The following ETV1 variants were observed in gnomAD, a reference collection of about 807,000 sequenced individuals.
ETV1 encodes the protein ETS variant transcription factor 1, also known as ETS translocation variant 1.
A neutral mutation model predicts 62.3 loss-of-function variants in ETV1; 27 were observed. The ratio of observed to expected loss-of-function variants is 0.43; its 90% CI spans 0.32 to 0.60. The LOEUF is 0.60. Among genes scored for constraint, ETV1 ranks in the 20% least tolerant of loss-of-function variants. The pLI is 0.06. For synonymous variants in ETV1, 222 were observed against 199.6 expected (o/e 1.11, Z -0.94); for missense variants, 605 against 605.8 (o/e 1.00, Z 0.01).
chr7:13,991,188 G>C (rs1255320693), upstream of ETV1: 1 of 152,198 alleles, frequency 6.6e-6, no homozygotes, highest in Admixed American at 6.5e-5. Flanking sequence ...GAAGCGCCTG[G>C]GCCCCGAGGC....
In ETV1 at chr7:13,933,847, T is replaced by C. The variant is rs73679022; in HGVS notation, c.554+1861A>G. The stretch of plus-strand genomic sequence containing the variant: ...GGCCGGCTGTTCTCAGTCTCAAATA[T>C]CTGACTTCAAGTAGAGAAACTAAAA... On this transcript the variant is annotated intron_variant, in intron 8 of 13. Transcript: ENST00000430479. Among the ~76,000 whole-genome samples the C allele has an allele frequency of 3.9e-3, 597 of 152,290 alleles. 3 individuals are homozygous for C. Among genetic ancestry groups the C allele is most frequent in the African/African-American group, 0.013 (544 of 41,558 alleles).
chr7:13,930,540 C>T (rs921544783), intron 9 of ETV1, among the ~76,000 whole-genome samples: 1 of 151,782 alleles, frequency 6.6e-6, no homozygotes, highest in Admixed American at 6.6e-5. Flanking sequence ...CCAGGATGGT[C>T]TCAATCTCCT....
chr7:13,945,697 G>A (rs1788075231), intron 6 of ETV1, among the ~76,000 whole-genome samples: 2 of 152,222 alleles, frequency 1.3e-5, no homozygotes, highest in Admixed American at 1.3e-4. Flanking sequence ...ACTCCCATTA[G>A]AGAGGGCTGA....
At chr7:13,906,266 T>C (rs1782946735) in intron 12 of ETV1, 164 bp downstream of exon 12, 2 of 495,962 alleles carry the variant, frequency 4.0e-6, no homozygotes, top group African/African-American at 4.0e-5. Context: ...ACATTGGTGA[T>C]TTTAAAGGTA....
At chr7:13,919,512 A>G (rs1316896165) in intron 9 of ETV1, among the ~76,000 whole-genome samples, 1 of 150,124 alleles carries the variant, frequency 6.7e-6, no homozygotes, top group Non-Finnish European at 1.5e-5. Context: ...TTATCTTTGA[A>G]TTACTCTCCT....
chr7:13,934,891 G>A (rs1786619170), intron 8 of ETV1, among the ~76,000 whole-genome samples: 2 of 152,108 alleles, frequency 1.3e-5, no homozygotes, highest in Admixed American at 6.6e-5. Context: ...CTCTCATGCA[G>A]GCTGTTGCTA....
At chr7:13,989,163 T>G in intron 2 of ETV1, 24 bp from the exon 3 acceptor site, 1 of 861,380 alleles carries the variant, frequency 1.2e-6, no homozygotes, top group African/African-American at 2.4e-5. Context: ...AGATGGCTTT[T>G]AGGCTTAAAA....
Position 13,928,912 on chromosome 7 carries a change from T to C in ETV1, c.802+2590A>G, listed in dbSNP as rs370805450. On this transcript the variant is annotated intron_variant, in intron 9 of 13. Coordinates refer to ENST00000430479, the MANE Select transcript of ETV1 (RefSeq NM_004956.5). Reference sequence around the variant, plus strand: ...GTCGGAGGTTGCAGTGAGCTGAGAATACACCACTGCACTCAAGCCTGGGCG... The same window carrying C: ...GTCGGAGGTTGCAGTGAGCTGAGAACACACCACTGCACTCAAGCCTGGGCG... 6.6e-5 allele frequency among the ~76,000 whole-genome samples: 10 copies of C among 152,076 alleles called. No homozygotes were observed. The East Asian group carries it at 1.4e-3, about 21-fold the overall frequency.
intron 6 of ETV1, among the ~76,000 whole-genome samples, chr7:13,956,026 C>G (rs995190762): frequency 6.6e-6 from 1 of 152,082 alleles, no homozygotes; most frequent in Non-Finnish European, 1.5e-5. Flanking sequence ...CTTGTTAAAT[C>G]TGATTTCAAT....
At chr7:13,936,720 C>T (rs1452729276) in intron 7 of ETV1, among the ~76,000 whole-genome samples, 1 of 151,998 alleles carries the variant, frequency 6.6e-6, no homozygotes, top group East Asian at 1.9e-4. Flanking sequence ...TTTTTTTTAA[C>T]AACAGGGCAT....
At chr7:13,989,932 G>A (rs2128518817), upstream of ETV1, 1 of 235,062 alleles carries the variant, frequency 4.3e-6, no homozygotes, top group African/African-American at 2.2e-5. Flanking sequence ...TTATTGTTAA[G>A]GCGCCTGGGG....
Position 13,916,413 on chromosome 7 carries a change from G to A in ETV1, c.803-5106C>T, listed in dbSNP as rs572189964. Among the ~76,000 whole-genome samples, 4 of 152,222 alleles carry A rather than the reference G, an allele frequency of 2.6e-5. No individual in the cohort carries two copies. The South Asian group carries it at 6.2e-4, about 24-fold the overall frequency. On this transcript the variant is annotated intron_variant, in intron 9 of 13. Transcript: ENST00000430479. ...AGCACTTTGGGAGGCCAAGGTGGGCGGATCGCCTGAGGTCAGGGGTTCGAG... is the reference window on the plus strand; with the variant it reads ...AGCACTTTGGGAGGCCAAGGTGGGCAGATCGCCTGAGGTCAGGGGTTCGAG...
chr7:13,976,072 AT>A (rs1781423893), intron 6 of ETV1, among the ~76,000 whole-genome samples: 1 of 152,192 alleles, frequency 6.6e-6, no homozygotes, highest in African/African-American at 2.4e-5. Flanking sequence ...AGGGTGTCTA[AT>A]TAAGGTCTAT....
At chr7:13,896,244 A>AT (rs1781764102) in intron 13 of ETV1, among the ~76,000 whole-genome samples, 157 bp from the exon 14 acceptor site, 1 of 152,074 alleles carries the variant, frequency 6.6e-6, no homozygotes, top group Non-Finnish European at 1.5e-5. Context: ...CATAAAAAAA[A>AT]AAAAGTCTTT....
chr7:13,935,381 C>A (rs1463672687), intron 8 of ETV1, among the ~76,000 whole-genome samples: 1 of 152,054 alleles, frequency 6.6e-6, no homozygotes, highest in African/African-American at 2.4e-5. Context: ...CACACATATG[C>A]TCATAAAAAT....
In ETV1 at chr7:13,989,293, T is replaced by C; in HGVS notation, c.-113A>G. 1 of 503,104 alleles carries C rather than the reference T, an allele frequency of 2.0e-6. No individual in the cohort carries two copies. The highest frequency in any genetic ancestry group is 3.5e-6 in the Non-Finnish European group (1 of 287,238). 31.2% of individuals were successfully genotyped at this position (503,104 alleles called of 1,614,324 possible). On this transcript the variant is annotated 5_prime_UTR_variant, in exon 2 of 14. Coordinates refer to ENST00000430479, the MANE Select transcript of ETV1 (RefSeq NM_004956.5). ...CTGGATCCAAAGAGAGCCAACAGAG[T>C]TCACAATTTACATATTTTCGGTAGT...
At chr7:13,924,145 A>G (rs1346597563) in intron 9 of ETV1, among the ~76,000 whole-genome samples, 1 of 152,220 alleles carries the variant, frequency 6.6e-6, no homozygotes, top group East Asian at 1.9e-4. Context: ...AGTCCCTCAT[A>G]AGCTTACTTG....
intron 9 of ETV1, among the ~76,000 whole-genome samples, chr7:13,915,160 G>T (rs1409817738): frequency 6.6e-6 from 1 of 152,096 alleles, no homozygotes; most frequent in African/African-American, 2.4e-5. Flanking sequence ...TAAGTATATA[G>T]TGCAAAGCTG....
chr7:13,923,217 C>T (rs6947274), intron 9 of ETV1, among the ~76,000 whole-genome samples: 1 of 152,014 alleles, frequency 6.6e-6, no homozygotes, highest in Non-Finnish European at 1.5e-5. Flanking sequence ...GCTCCATTAC[C>T]CAATTATTTA....
Sources: allele counts gnomAD v4.1 joint callset (sites outside exome capture counted in the v4.1 genomes callset), GRCh38; gene constraint gnomAD v4.1.1; transcripts MANE v1.5; gene names NCBI Gene and HGNC (gene_info 2026-07-23, HGNC 2026-07-21).